KIAA1328: variants seen among roughly 807,000 people sequenced by gnomAD.
KIAA1328 encodes the protein KIAA1328, also known as protein hinderin.
Under a neutral mutation model 68.1 loss-of-function variants are expected in KIAA1328, and 52 were observed. The observed-to-expected ratio is 0.76, with a 90% CI of 0.61 to 0.96. KIAA1328 has a LOEUF of 0.96. Ranked by LOEUF, KIAA1328 falls within the 40% of genes least tolerant of loss-of-function variation. The pLI is 0.00. For synonymous variants in KIAA1328, 232 were observed against 239.4 expected (o/e 0.97, Z 0.28); for missense variants, 641 against 677.6 (o/e 0.95, Z 0.60).
intron 6 of KIAA1328, among the ~76,000 whole-genome samples, chr18:37,051,471 G>A (rs1270195918): frequency 6.6e-6 from 1 of 151,982 alleles, no homozygotes; most frequent in East Asian, 1.9e-4. Flanking sequence ...ATAAATTCCT[G>A]GAAACCCACA....
At chr18:37,006,407 G>C (rs763434209) in intron 6 of KIAA1328, among the ~76,000 whole-genome samples, 1 of 151,948 alleles carries the variant, frequency 6.6e-6, no homozygotes, top group Admixed American at 6.6e-5. Context: ...TCTAAAATGC[G>C]TCAGATTATT....
intron 4 of KIAA1328, among the ~76,000 whole-genome samples, chr18:36,854,354 G>A (rs1417721004): frequency 1.3e-5 from 2 of 152,088 alleles, no homozygotes; most frequent in African/African-American, 4.8e-5. Context: ...GAATTAATAT[G>A]GTGCTCATTA....
chr18:36,933,764 A>AT (rs1469340907), intron 5 of KIAA1328, among the ~76,000 whole-genome samples: 2 of 152,206 alleles, frequency 1.3e-5, no homozygotes, highest in Non-Finnish European at 2.9e-5. Context: ...GGGAGGCTGC[A>AT]TTGTACACAC....
At chr18:36,870,445 T>C (rs1276617048) in intron 4 of KIAA1328, among the ~76,000 whole-genome samples, 2 of 152,086 alleles carry the variant, frequency 1.3e-5, no homozygotes, top group South Asian at 2.1e-4. Flanking sequence ...TATGGTAATA[T>C]AAATATTAAA....
intron 9 of KIAA1328, among the ~76,000 whole-genome samples, chr18:37,221,507 G>A (rs187997026): frequency 6.6e-6 from 1 of 152,262 alleles, no homozygotes; most frequent in Admixed American, 6.5e-5. Context: ...TGAGAGTGCT[G>A]GAGACAAACC....
intron 7 of KIAA1328, among the ~76,000 whole-genome samples, chr18:37,105,509 A>AG: frequency 6.8e-6 from 1 of 146,884 alleles, no homozygotes; most frequent in East Asian, 1.9e-4. Flanking sequence ...AGGAAAAAAA[A>AG]AAAAAAAAAA....
At chr18:37,024,099 A>ACTC (rs1417738590) in intron 6 of KIAA1328, among the ~76,000 whole-genome samples, 2 of 151,772 alleles carry the variant, frequency 1.3e-5, no homozygotes, top group African/African-American at 2.4e-5. Context: ...GGGTTCAAGC[A>ACTC]CTCCTCCTGC....
At chr18:37,060,358 G>T (rs2056098684) in intron 6 of KIAA1328, among the ~76,000 whole-genome samples, 1 of 152,038 alleles carries the variant, frequency 6.6e-6, no homozygotes, top group African/African-American at 2.4e-5. Context: ...CTTCACAAAA[G>T]AAGACATTCA....
intron 9 of KIAA1328, among the ~76,000 whole-genome samples, chr18:37,198,347 A>G (rs981685059): frequency 1.3e-5 from 2 of 152,238 alleles, no homozygotes; most frequent in African/African-American, 4.8e-5. Flanking sequence ...TACTTCAACA[A>G]AACAGTTTAA....
chr18:36,922,336 A>C (rs193061350), intron 5 of KIAA1328, among the ~76,000 whole-genome samples: 2 of 152,264 alleles, frequency 1.3e-5, no homozygotes, highest in African/African-American at 4.8e-5. Flanking sequence ...TGATTCAAAC[A>C]TGTCTATCCA....
chr18:37,076,913 G>T (rs1247724333), intron 7 of KIAA1328, among the ~76,000 whole-genome samples: 2 of 152,080 alleles, frequency 1.3e-5, no homozygotes, highest in African/African-American at 4.8e-5. Flanking sequence ...ATACAAGGAG[G>T]AACTGGTACC....
At chr18:36,877,434 C>G (rs957930709) in intron 4 of KIAA1328, among the ~76,000 whole-genome samples, 1 of 150,920 alleles carries the variant, frequency 6.6e-6, no homozygotes, top group East Asian at 1.9e-4. Context: ...TGCCGTTCTT[C>G]GTCTTTTTTG....
chr18:37,013,814 A>G (rs1291274819), intron 6 of KIAA1328, among the ~76,000 whole-genome samples: 1 of 152,186 alleles, frequency 6.6e-6, no homozygotes, highest in Admixed American at 6.5e-5. Flanking sequence ...ATGCAAGTAC[A>G]TGTGCCTTTT....
intron 5 of KIAA1328, among the ~76,000 whole-genome samples, chr18:36,903,318 T>C (rs555233768): frequency 2.4e-4 from 37 of 152,234 alleles, no homozygotes; most frequent in Non-Finnish European, 5.0e-4. Flanking sequence ...ATATTAAATA[T>C]CTGTTTAAAA....
intron 7 of KIAA1328, among the ~76,000 whole-genome samples, chr18:37,118,333 T>C (rs577105638): frequency 1.3e-5 from 2 of 152,250 alleles, no homozygotes; most frequent in African/African-American, 4.8e-5. Context: ...CATATTCCCT[T>C]TGCCATCAGC....
chr18:36,999,531 G>A (rs2053512408), intron 6 of KIAA1328, among the ~76,000 whole-genome samples: 1 of 152,170 alleles, frequency 6.6e-6, no homozygotes, highest in Admixed American at 6.5e-5. Flanking sequence ...AAAATCATTT[G>A]CTCACCTACA....
intron 7 of KIAA1328, among the ~76,000 whole-genome samples, chr18:37,119,893 C>G (rs1420585098): frequency 6.6e-6 from 1 of 152,094 alleles, no homozygotes; most frequent in South Asian, 2.1e-4. Context: ...TTTCTAAATA[C>G]CATTCTCCAA....
chr18:36,908,883 T>TTA, intron 5 of KIAA1328, among the ~76,000 whole-genome samples: 1 of 152,266 alleles, frequency 6.6e-6, no homozygotes, highest in East Asian at 1.9e-4. Context: ...TGAACATTAT[T>TTA]TATAATTTAA....
At chr18:36,915,093 A>G (rs1232333310) in intron 5 of KIAA1328, among the ~76,000 whole-genome samples, 2 of 152,190 alleles carry the variant, frequency 1.3e-5, no homozygotes, top group South Asian at 2.1e-4. Context: ...CACTTTTTTA[A>G]AAGATGAAAA....
Sources: allele counts gnomAD v4.1 joint callset (sites outside exome capture counted in the v4.1 genomes callset), GRCh38; gene constraint gnomAD v4.1.1; transcripts MANE v1.5; gene names NCBI Gene and HGNC (gene_info 2026-07-23, HGNC 2026-07-21).